Variants in ITGAV observed in about 807,000 individuals in gnomAD.
The protein encoded by ITGAV is integrin subunit alpha V.
In ITGAV, 76 loss-of-function variants were observed where a neutral mutation model predicts 143.8. That is an observed-to-expected ratio of 0.53 (90% CI 0.44 to 0.64). The LOEUF is 0.64. Among genes scored for constraint, ITGAV ranks in the 30% least tolerant of loss-of-function variants. ITGAV has a pLI of 0.00. For synonymous variants in ITGAV, 453 were observed against 446.7 expected, an observed-to-expected ratio of 1.01 and a Z score of -0.18; for missense variants, 1,193 against 1,274.7, an observed-to-expected ratio of 0.94 and a Z score of 0.98.
chr2:186,640,065 A>T (rs931852650), intron 10 of ITGAV, among the ~76,000 whole-genome samples: 1 of 152,210 alleles, frequency 6.6e-6, no homozygotes, highest in Non-Finnish European at 1.5e-5. Context: ...AGCCAATCAA[A>T]TTTGAGAAGC....
intron 17 of ITGAV, among the ~76,000 whole-genome samples, chr2:186,658,146 C>A (rs543723752): frequency 1.4e-4 from 21 of 152,070 alleles, no homozygotes; most frequent in African/African-American, 4.8e-4. Context: ...TGGATTTATC[C>A]TAGAGTGGGT....
chr2:186,637,570 T>G (rs1471916633), intron 8 of ITGAV, among the ~76,000 whole-genome samples: 1 of 151,966 alleles, frequency 6.6e-6, no homozygotes, highest in African/African-American at 2.4e-5. Context: ...ATGAGGAAGA[T>G]GTTAGCACAC....
In ITGAV at chr2:186,668,808, T is replaced by G. The variant is rs1559068503; in HGVS notation, c.2480T>G (p.Leu827Arg). The G allele has an allele frequency of 6.2e-7, 1 of 1,613,824 alleles. No homozygotes were observed. The highest frequency in any genetic ancestry group is 8.5e-7 in the Non-Finnish European group (1 of 1,179,876). Residue 827 changes from leucine to arginine, a missense_variant, in exon 25 of 30, where the codon CTT (leucine) becomes CGT (arginine). Coordinates refer to ENST00000261023, the MANE Select transcript of ITGAV (RefSeq NM_002210.5). Reference protein sequence around the residue: ...PSSFSKAMLHLQWPYKYNNNT... With the variant: ...PSSFSKAMLHRQWPYKYNNNT... ...TCATTCAGCAAGGCAATGCTCCATCTTCAGTGGCCTTACAAATATAATAAT... is the reference window on the plus strand; with the variant it reads ...TCATTCAGCAAGGCAATGCTCCATCGTCAGTGGCCTTACAAATATAATAAT...
Position 186,652,088 on chromosome 2 carries a change from T to A in ITGAV, c.1504T>A (p.Cys502Ser). The change falls in exon 15 of 30, where the codon TGT (cysteine) becomes AGT (serine). Residue 502 changes from cysteine (C) to serine (S), a missense_variant and splice_region_variant. Transcript: ENST00000261023. The part of the protein sequence containing the change: ...SLPGTALKVS[C>S]FNVRFCLKAD... ...GCCTGGAACAGCTCTCAAAGTTTCC[T>A]GGTAAGGGTATTTGTTTAATAATAG... 1 of 1,555,746 alleles carries A rather than the reference T, an allele frequency of 6.4e-7. No individual in the cohort carries two copies. The highest frequency in any genetic ancestry group is 8.9e-7 in the Non-Finnish European group (1 of 1,127,736).
At chr2:186,639,697 T>A (rs1476592671) in intron 10 of ITGAV, among the ~76,000 whole-genome samples, 1 of 152,208 alleles carries the variant, frequency 6.6e-6, no homozygotes, top group Non-Finnish European at 1.5e-5. Flanking sequence ...AGGTATTTGC[T>A]GCTGAAAATC....
Position 186,590,289 on chromosome 2 carries a change from G to T in ITGAV, c.-50G>T, listed in dbSNP as rs199679731. The T allele has an allele frequency of 6.3e-6, 9 of 1,432,224 alleles. No homozygotes were observed. Among genetic ancestry groups the T allele is most frequent in the East Asian group, 5.9e-5 (2 of 33,886 alleles). The allele number at this position is 1,432,224 out of a possible 1,614,324, so 88.7% of individuals were successfully genotyped here. A position where few individuals can be genotyped will look rare whatever the true frequency, so the allele number is the denominator to read the frequency against. On this transcript the variant is annotated 5_prime_UTR_variant, in exon 1 of 30. Coordinates refer to ENST00000261023, the MANE Select transcript of ITGAV (RefSeq NM_002210.5). ...GGGCACTGGGCGCCTCGCTGGGGCG[G>T]GGGGAGGTGGCTACCGCTCCCGGCT...
intron 18 of ITGAV, among the ~76,000 whole-genome samples, chr2:186,662,358 G>T (rs1688771854): frequency 6.6e-6 from 1 of 152,104 alleles, no homozygotes; most frequent in Non-Finnish European, 1.5e-5. Flanking sequence ...GTATATTTTT[G>T]TGTTTCCTTC....
Position 186,667,168 on chromosome 2 carries a change from A to G in ITGAV, c.2265A>G (p.Lys755=). ...TTTTCAGCTCAAATCTATTTGACAA[A>G]GTAAGCCCAGTTGTATCTCACAAAG... ...LQIQSSNLFD[K]VSPVVSHKVD... The change falls in exon 23 of 30, where the codon AAA becomes AAG. Residue 755 remains lysine, a synonymous_variant. Transcript: ENST00000261023. 6.2e-7 allele frequency: 1 copy of G among 1,611,020 alleles called. No homozygotes were observed. Among genetic ancestry groups the G allele is most frequent in the Non-Finnish European group, 8.5e-7 (1 of 1,178,626 alleles).
At chr2:186,591,360 T>G (rs184771195) in intron 1 of ITGAV, among the ~76,000 whole-genome samples, 1 of 152,334 alleles carries the variant, frequency 6.6e-6, no homozygotes, top group African/African-American at 2.4e-5. Flanking sequence ...CCGACTTTAC[T>G]GAATGCTGAC....
Position 186,668,185 on chromosome 2 carries a change from CATATAT to C in ITGAV, c.2433+436_2433+441del, listed in dbSNP as rs1225346630. ...TTTGCCTTTTGTTTATACATACATA[CATATAT>C]ATATATATATATATATATATATATA... is the stretch of plus-strand genomic sequence containing the variant. On this transcript the variant is annotated intron_variant, in intron 24 of 29. Coordinates refer to ENST00000261023, the MANE Select transcript of ITGAV (RefSeq NM_002210.5). 3.5e-3 allele frequency among the ~76,000 whole-genome samples: 67 copies of C among 19,070 alleles called. 1 individual carries two copies. Among genetic ancestry groups the C allele is most frequent in the African/African-American group, 6.2e-3 (31 of 5,018 alleles). 12.5% of individuals were successfully genotyped at this position (19,070 alleles called of 152,430 possible).
chr2:186,612,664 T>C (rs1687247614), intron 2 of ITGAV, among the ~76,000 whole-genome samples: 1 of 152,216 alleles, frequency 6.6e-6, no homozygotes, highest in African/African-American at 2.4e-5. Context: ...TTAGCTGTTT[T>C]CTAGCTTCTG....
intron 4 of ITGAV, among the ~76,000 whole-genome samples, chr2:186,629,354 CA>C (rs1687758778): frequency 1.3e-5 from 2 of 151,346 alleles, no homozygotes; most frequent in Admixed American, 6.6e-5. Flanking sequence ...GTATGATAAT[CA>C]AAAAAAGGAT....
chr2:186,646,931 T>C (rs1162389945), intron 13 of ITGAV, 54 bp downstream of exon 13: 4 of 1,112,582 alleles, frequency 3.6e-6, no homozygotes, highest in Admixed American at 5.7e-5. Flanking sequence ...TAATAGCAAA[T>C]AGTATTAGTT....
chr2:186,605,083 G>T (rs1440723348), intron 2 of ITGAV, among the ~76,000 whole-genome samples: 1 of 152,170 alleles, frequency 6.6e-6, no homozygotes, highest in African/African-American at 2.4e-5. Context: ...GGTACCTGGG[G>T]ATTGATCGTA....
intron 24 of ITGAV, 26 bp from the exon 25 acceptor site, chr2:186,668,736 A>G (rs1457484267): frequency 6.2e-7 from 1 of 1,608,106 alleles, no homozygotes; most frequent in Admixed American, 1.7e-5. Context: ...CCCAAGGTGT[A>G]GATACATTTT....
At chr2:186,677,162 T>A (rs1346853351) in intron 29 of ITGAV, 35 bp from the exon 30 acceptor site, 5 of 1,560,438 alleles carry the variant, frequency 3.2e-6, no homozygotes, top group African/African-American at 2.7e-5. Context: ...TCTACACTGA[T>A]GTGACAGTAA....
At chr2:186,637,693 A>G (rs1687986488) in intron 8 of ITGAV, among the ~76,000 whole-genome samples, 1 of 151,902 alleles carries the variant, frequency 6.6e-6, no homozygotes, top group African/African-American at 2.4e-5. Context: ...AGCCCCCAAC[A>G]CTGTTAGTGA....
At chr2:186,623,419 A>G (rs1045411317) in intron 3 of ITGAV, among the ~76,000 whole-genome samples, 2 of 151,316 alleles carry the variant, frequency 1.3e-5, no homozygotes, top group Admixed American at 6.6e-5. Flanking sequence ...TTTTTCTCCT[A>G]TCTTACTGGC....
At chr2:186,637,216 T>A in intron 8 of ITGAV, 107 bp downstream of exon 8, 3 of 884,870 alleles carry the variant, frequency 3.4e-6, no homozygotes, top group South Asian at 2.8e-5. Flanking sequence ...GTGCTGTGGC[T>A]GCAGCCTGTA....
Sources: allele counts gnomAD v4.1 joint callset (sites outside exome capture counted in the v4.1 genomes callset), GRCh38; gene constraint gnomAD v4.1.1; transcripts MANE v1.5; gene names NCBI Gene and HGNC (gene_info 2026-07-23, HGNC 2026-07-21).